The following MAGI2 variants were observed in gnomAD, a reference collection of about 807,000 sequenced individuals.
MAGI2 encodes membrane associated guanylate kinase, WW and PDZ domain containing 2.
Under a neutral mutation model 133.3 loss-of-function variants are expected in MAGI2, and 35 were observed. The ratio of observed to expected loss-of-function variants is 0.26; its 90% CI spans 0.20 to 0.35. The LOEUF (loss-of-function observed/expected upper bound fraction) is 0.35, where lower values mean the gene tolerates loss of function less well. Ranked by LOEUF, MAGI2 falls within the 10% of genes least tolerant of loss-of-function variation. MAGI2 has a pLI of 1.00. For synonymous variants in MAGI2, 729 were observed against 710.6 expected (o/e 1.03, Z -0.41); for missense variants, 1,636 against 1,863.4 (o/e 0.88, Z 2.25).
At chr7:79,054,686 GC>G (rs1812978551) in intron 1 of MAGI2, among the ~76,000 whole-genome samples, 1 of 152,046 alleles carries the variant, frequency 6.6e-6, no homozygotes, top group African/African-American at 2.4e-5. Flanking sequence ...CCATGTTTCT[GC>G]TTTTAGTCTC....
intron 1 of MAGI2, among the ~76,000 whole-genome samples, chr7:79,446,791 A>C (rs558512229): frequency 6.6e-6 from 1 of 152,284 alleles, no homozygotes; most frequent in Non-Finnish European, 1.5e-5. Context: ...TCTACTAAAA[A>C]TACAAAAACA....
At chr7:78,718,020 T>TC (rs1445456145) in intron 2 of MAGI2, among the ~76,000 whole-genome samples, 2 of 152,232 alleles carry the variant, frequency 1.3e-5, no homozygotes, top group Non-Finnish European at 2.9e-5. Flanking sequence ...TGCATTTTTT[T>TC]CACTATTTCT....
intron 3 of MAGI2, among the ~76,000 whole-genome samples, chr7:78,534,465 G>A (rs1323030039): frequency 6.6e-6 from 1 of 152,148 alleles, no homozygotes; most frequent in African/African-American, 2.4e-5. Flanking sequence ...GTGTGTGTTT[G>A]TATATATATG....
chr7:78,350,166 A>G (rs577808338), intron 7 of MAGI2: 24 of 152,338 alleles, frequency 1.6e-4, no homozygotes, highest in African/African-American at 5.0e-4. Flanking sequence ...CCAAATTAAA[A>G]GTGGCAAAGG....
intron 6 of MAGI2, among the ~76,000 whole-genome samples, chr7:78,380,564 T>C (rs1400184234): frequency 6.6e-6 from 1 of 151,882 alleles, no homozygotes; most frequent in Non-Finnish European, 1.5e-5. Context: ...AACTCATGAA[T>C]ATATAGAGTA....
At chr7:79,125,716 GC>G in intron 1 of MAGI2, 2 of 526,500 alleles carry the variant, frequency 3.8e-6, no homozygotes, top group Non-Finnish European at 7.5e-6. Context: ...AGAAGCTCTG[GC>G]CCCTATGATG....
chr7:78,519,994 A>T (rs1401662704), intron 4 of MAGI2, among the ~76,000 whole-genome samples: 3 of 152,206 alleles, frequency 2.0e-5, no homozygotes, highest in African/African-American at 7.2e-5. Context: ...ATATTTTGAC[A>T]CAGATACTTA....
At chr7:78,662,868 A>G (rs1813125691) in intron 2 of MAGI2, among the ~76,000 whole-genome samples, 1 of 152,214 alleles carries the variant, frequency 6.6e-6, no homozygotes. Flanking sequence ...ATAATAATAA[A>G]TGCTGACATT....
intron 2 of MAGI2, among the ~76,000 whole-genome samples, chr7:78,787,150 G>T (rs550934983): frequency 2.0e-5 from 3 of 152,048 alleles, no homozygotes; most frequent in African/African-American, 7.2e-5. Flanking sequence ...GTTTCACCAT[G>T]TTGGCCAGGC....
At position 79,229,335 on chromosome 7, in the gene MAGI2, G is replaced by A. The variant is rs1286121329; in HGVS notation, c.302-222129C>T. On this transcript the variant is annotated intron_variant, in intron 1 of 21. Coordinates refer to ENST00000354212, the MANE Select transcript of MAGI2 (RefSeq NM_012301.4). ...AACCCCATACATGCTACAAAGAACA[G>A]AAGTGAAGAACAGGACAAAACAATT... 3.3e-5 allele frequency among the ~76,000 whole-genome samples: 5 copies of A among 152,226 alleles called. No homozygotes were observed. The East Asian group carries it at 7.7e-4, about 24-fold the overall frequency.
intron 6 of MAGI2, among the ~76,000 whole-genome samples, chr7:78,475,896 C>G (rs1354181379): frequency 6.6e-6 from 1 of 151,664 alleles, no homozygotes; most frequent in Non-Finnish European, 1.5e-5. Context: ...TCTCTTTCAC[C>G]AAGTCTTCTC....
chr7:79,008,127 A>G lies in MAGI2; in HGVS notation c.302-921T>C, dbSNP rs190141237. On this transcript the variant is annotated intron_variant, in intron 1 of 21. Coordinates refer to ENST00000354212, the MANE Select transcript of MAGI2 (RefSeq NM_012301.4). The stretch of plus-strand genomic sequence containing the variant: ...AAATACCAGTAAAAATGTAAGTAAG[A>G]ATTCCTGAAACTCTTATTATTTCAA... 5.3e-5 allele frequency among the ~76,000 whole-genome samples: 8 copies of G among 152,260 alleles called. No homozygotes were observed. In the East Asian group the frequency reaches 1.5e-3, roughly 29 times the overall value.
At chr7:78,711,799 G>C (rs1819218617) in intron 2 of MAGI2, among the ~76,000 whole-genome samples, 1 of 152,166 alleles carries the variant, frequency 6.6e-6, no homozygotes, top group Non-Finnish European at 1.5e-5. Flanking sequence ...ATTTTTCACA[G>C]AATAAGGCAG....
At chr7:78,849,768 T>C (rs1792970438) in intron 2 of MAGI2, among the ~76,000 whole-genome samples, 1 of 152,082 alleles carries the variant, frequency 6.6e-6, no homozygotes, top group Non-Finnish European at 1.5e-5. Context: ...TACTTAATAA[T>C]GTCTCAGAAA....
chr7:78,293,692 C>T (rs1198645123), intron 9 of MAGI2, among the ~76,000 whole-genome samples: 4 of 152,118 alleles, frequency 2.6e-5, no homozygotes, highest in African/African-American at 4.8e-5. Flanking sequence ...ACCCAAATGT[C>T]CATCAATGAT....
intron 20 of MAGI2, among the ~76,000 whole-genome samples, chr7:78,105,527 G>A (rs868742570): frequency 2.1e-4 from 32 of 152,078 alleles, no homozygotes; most frequent in Admixed American, 1.0e-3. Flanking sequence ...ATATAAAATT[G>A]ATATACATTT....
chr7:78,777,867 G>A lies in MAGI2; in HGVS notation c.419-150628C>T, dbSNP rs117106372. Among the ~76,000 whole-genome samples, 157 of 126,792 alleles carry A rather than the reference G, an allele frequency of 1.2e-3. No individual in the cohort carries two copies. In the South Asian group the frequency reaches 0.016, roughly 13 times the overall value. 83.2% of individuals were successfully genotyped at this position (126,792 alleles called of 152,430 possible). ...CCATAAACAAGTCTCAGGATCAGTTGTTGCACACAGAAGGACCGCTCTAGA... is the reference window on the plus strand; with the variant it reads ...CCATAAACAAGTCTCAGGATCAGTTATTGCACACAGAAGGACCGCTCTAGA... On this transcript the variant is annotated intron_variant, in intron 2 of 21. Coordinates refer to ENST00000354212, the MANE Select transcript of MAGI2 (RefSeq NM_012301.4).
At chr7:78,785,282 C>T (rs1181837496) in intron 2 of MAGI2, among the ~76,000 whole-genome samples, 1 of 152,086 alleles carries the variant, frequency 6.6e-6, no homozygotes, top group East Asian at 1.9e-4. Flanking sequence ...GTTTAAAAGT[C>T]AATTAGATTT....
chr7:79,332,416 C>A (rs1414835294), intron 1 of MAGI2, among the ~76,000 whole-genome samples: 1 of 152,156 alleles, frequency 6.6e-6, no homozygotes, highest in Non-Finnish European at 1.5e-5. Context: ...CTGTGTTCTG[C>A]TTTCTTCTTC....
Sources: allele counts gnomAD v4.1 joint callset (sites outside exome capture counted in the v4.1 genomes callset), GRCh38; gene constraint gnomAD v4.1.1; transcripts MANE v1.5; gene names NCBI Gene and HGNC (gene_info 2026-07-23, HGNC 2026-07-21).